CAPN2: variants seen among roughly 807,000 people sequenced by gnomAD.
CAPN2 encodes calpain 2.
A neutral mutation model predicts 102.3 loss-of-function variants in CAPN2; 92 were observed. The ratio of observed to expected loss-of-function variants is 0.90; its 90% CI spans 0.76 to 1.07. The LOEUF is 1.07. CAPN2 is among the 50% of genes least tolerant of loss of function. CAPN2 has a pLI of 0.00. For missense variants in CAPN2, 800 were observed against 909.4 expected (o/e 0.88, Z 1.55); for synonymous variants, 340 against 355.4 (o/e 0.96, Z 0.49).
intron 4 of CAPN2, among the ~76,000 whole-genome samples, chr1:223,746,776 G>A (rs1164871718): frequency 6.6e-6 from 1 of 151,978 alleles, no homozygotes; most frequent in Admixed American, 6.6e-5. Context: ...TACCGCGCCC[G>A]GCCTGAGATT....
intron 2 of CAPN2, among the ~76,000 whole-genome samples, chr1:223,736,865 C>T (rs898057756): frequency 6.6e-6 from 1 of 151,962 alleles, no homozygotes; most frequent in Non-Finnish European, 1.5e-5. Flanking sequence ...GGCAACATAG[C>T]AAGACACCTC....
Position 223,717,806 on chromosome 1 carries a change from C to T in CAPN2, c.282C>T (p.Arg94=), listed in dbSNP as rs1451426986. 2 of 1,614,094 alleles carry T rather than the reference C, an allele frequency of 1.2e-6. No homozygotes were observed. Among genetic ancestry groups the T allele is most frequent in the Non-Finnish European group, 1.7e-6 (2 of 1,179,930 alleles). ...DPQFIIGGAT[R]TDICQGALGD... ...AGTTTATCATTGGAGGAGCCACCCG[C>T]ACAGACATCTGCCAAGGAGCCCTGG... Residue 94 remains arginine (R), a synonymous_variant, in exon 2 of 21, where the codon CGC becomes CGT. Transcript: ENST00000295006.
At chr1:223,711,143 C>T (rs988428436), upstream of CAPN2, among the ~76,000 whole-genome samples, 1 of 152,170 alleles carries the variant, frequency 6.6e-6, no homozygotes, top group Admixed American at 6.5e-5. Context: ...TAGCTGTGAC[C>T]ATAAAAACTA....
In CAPN2 at chr1:223,752,053, A is replaced by G. The variant is rs1359488518; in HGVS notation, c.956A>G (p.His319Arg). The change falls in exon 8 of 21, where the codon CAT (histidine) becomes CGT (arginine). Residue 319 changes from histidine (H) to arginine (R), a missense_variant. Physicochemically the swap from His to Arg is conservative, Grantham distance 29. Coordinates refer to ENST00000295006, the MANE Select transcript of CAPN2 (RefSeq NM_001748.5). Reference protein sequence around the residue: ...PEERERLTRRHEDGEFWMSFS... With the variant: ...PEERERLTRRREDGEFWMSFS... ...GAGAGGGAAAGGCTGACCAGACGGCATGAAGATGGAGAATTCTGGTAAGAT... is the reference window on the plus strand; with the variant it reads ...GAGAGGGAAAGGCTGACCAGACGGCGTGAAGATGGAGAATTCTGGTAAGAT... 15 of 1,612,390 alleles carry G rather than the reference A, an allele frequency of 9.3e-6. No homozygotes were observed. The highest frequency in any genetic ancestry group is 1.3e-5 in the Non-Finnish European group (15 of 1,178,434).
At chr1:223,705,309 G>A (rs1445160400) in intron 1 of CAPN2, among the ~76,000 whole-genome samples, 1 of 152,304 alleles carries the variant, frequency 6.6e-6, no homozygotes, top group East Asian at 1.9e-4. Context: ...AACCACCACT[G>A]AACTGTACAG....
chr1:223,740,406 A>C (rs904858332), intron 2 of CAPN2, among the ~76,000 whole-genome samples: 2 of 152,204 alleles, frequency 1.3e-5, no homozygotes, highest in African/African-American at 4.8e-5. Flanking sequence ...TTATAACCTG[A>C]CGCGTCCACC....
rs751424889 is a variant in CAPN2, at chr1:223,755,671, G to T, written c.1305+22G>T. On this transcript the variant is annotated intron_variant, in intron 10 of 20. Transcript: ENST00000295006. The surrounding 1 kb of genome is among the most constrained non-coding windows in gnomAD (Gnocchi z 4.1). ...TGAGGTGCAGAGCGCAGGGGCTCCTGCCCTCCCTTCCCCATGTGTTCATCT... is the reference window on the plus strand; with the variant it reads ...TGAGGTGCAGAGCGCAGGGGCTCCTTCCCTCCCTTCCCCATGTGTTCATCT... 2.7e-5 allele frequency: 42 copies of T among 1,539,792 alleles called. No individual in the cohort carries two copies. The highest frequency in any genetic ancestry group is 2.2e-5 in the Non-Finnish European group (25 of 1,143,096).
chr1:223,746,923 AG>A, intron 4 of CAPN2, 73 bp from the exon 5 acceptor site: 2 of 1,364,720 alleles, frequency 1.5e-6, no homozygotes, highest in East Asian at 2.3e-5. Context: ...AGACGGTACT[AG>A]GGGGTGGCTG....
At chr1:223,774,242 C>G (rs1398052695) in intron 20 of CAPN2, among the ~76,000 whole-genome samples, 2 of 151,906 alleles carry the variant, frequency 1.3e-5, no homozygotes, top group Admixed American at 6.6e-5. Flanking sequence ...TACCCACTGG[C>G]TTTTCCTGCC....
chr1:223,745,945 G>A (rs1258502549), intron 4 of CAPN2, among the ~76,000 whole-genome samples: 1 of 152,224 alleles, frequency 6.6e-6, no homozygotes, highest in Non-Finnish European at 1.5e-5. Context: ...TGATGTCACT[G>A]ATTAGCAATG....
At chr1:223,772,309 G>A in intron 20 of CAPN2, 70 bp downstream of exon 20, 1 of 1,344,038 alleles carries the variant, frequency 7.4e-7, no homozygotes, top group Non-Finnish European at 1.1e-6. Flanking sequence ...GCTGTTACTT[G>A]AGTGATCTGC....
intron 19 of CAPN2, 87 bp downstream of exon 19, chr1:223,772,012 A>G (rs1385946747): frequency 3.5e-6 from 4 of 1,132,054 alleles, no homozygotes; most frequent in African/African-American, 3.1e-5. Flanking sequence ...CATCTAAACT[A>G]GAGACATGTC....
chr1:223,758,950 C>T (rs932921394), intron 11 of CAPN2: 1 of 363,778 alleles, frequency 2.7e-6, no homozygotes, highest in Non-Finnish European at 5.3e-6. Context: ...CACAGCCTCC[C>T]AAAGTGCTGG....
intron 5 of CAPN2, among the ~76,000 whole-genome samples, chr1:223,748,476 C>G (rs1660803874): frequency 6.6e-6 from 1 of 152,200 alleles, no homozygotes; most frequent in African/African-American, 2.4e-5. Flanking sequence ...GGCTGTGAGG[C>G]GTTCTTAAAA....
rs539087310 is a variant in CAPN2 at position 223,759,127 on chromosome 1, C to T, written c.1318-143C>T. On this transcript the variant is annotated intron_variant, in intron 11 of 20. Coordinates refer to ENST00000295006, the MANE Select transcript of CAPN2 (RefSeq NM_001748.5). The surrounding 1 kb of genome is among the most constrained non-coding windows in gnomAD (Gnocchi z 4.6). ...CTGTGTTGCCCAGGCTGGTTTCTGA[C>T]GCCTGGCCTCGCCTCCTTATACACC... 1.9e-4 allele frequency: 140 copies of T among 744,998 alleles called. No individual in the cohort carries two copies. Among genetic ancestry groups the T allele is most frequent in the Admixed American group, 3.0e-4 (14 of 46,628 alleles). 46.1% of individuals were successfully genotyped at this position (744,998 alleles called of 1,614,324 possible).
chr1:223,762,210 G>T lies in CAPN2; in HGVS notation c.1591G>T (p.Asp531Tyr). 1 of 1,614,034 alleles carries T rather than the reference G, an allele frequency of 6.2e-7. No homozygotes were observed. Among genetic ancestry groups the T allele is most frequent in the South Asian group, 1.1e-5 (1 of 91,056 alleles). ...EEFDISEDDI[D>Y]DGFRRLFAQL... Reference sequence around the variant, plus strand: ...GTTCGACATCAGCGAGGATGACATTGATGATGGATTCAGGAGACTGTTTGC... The same window carrying T: ...GTTCGACATCAGCGAGGATGACATTTATGATGGATTCAGGAGACTGTTTGC... Residue 531 changes from aspartate (D) to tyrosine (Y), a missense_variant, in exon 14 of 21, where the codon GAT (aspartate) becomes TAT (tyrosine). Transcript: ENST00000295006.
At chr1:223,709,387 G>A (rs1348899615), upstream of CAPN2, among the ~76,000 whole-genome samples, 1 of 152,196 alleles carries the variant, frequency 6.6e-6, no homozygotes, top group African/African-American at 2.4e-5. Context: ...TCGGCAGGGT[G>A]CAGTGGCTCA....
chr1:223,772,187 T>C lies in CAPN2; in HGVS notation c.2027T>C (p.Phe676Ser), dbSNP rs778661676. Residue 676 changes from phenylalanine to serine, a missense_variant, in exon 20 of 21, where the codon TTT (phenylalanine) becomes TCT (serine). Transcript: ENST00000295006. ...LVRLETLFKIFKQLDPENTGT... is the reference protein window; with the variant it reads ...LVRLETLFKISKQLDPENTGT... The stretch of plus-strand genomic sequence containing the variant: ...TCTTTTTCTCCCTCCACAGAGATAT[T>C]TAAGCAGCTGGATCCCGAGAATACT... 29 of 1,614,006 alleles carry C rather than the reference T, an allele frequency of 1.8e-5. No individual in the cohort carries two copies. The East Asian group carries it at 5.8e-4, about 32-fold the overall frequency.
chr1:223,736,710 G>A (rs1465262267), intron 2 of CAPN2, among the ~76,000 whole-genome samples: 1 of 152,090 alleles, frequency 6.6e-6, no homozygotes, highest in East Asian at 1.9e-4. Flanking sequence ...GGTATTTGCA[G>A]CCCATCTGAT....
Sources: gnomAD v4.1 joint callset for allele counts (sites outside exome capture counted in the v4.1 genomes callset) on GRCh38, gnomAD v4.1.1 for gene constraint, Gnocchi (gnomAD v3.1) non-coding constraint, MANE v1.5 for transcripts, NCBI Gene and HGNC (gene_info 2026-07-23, HGNC 2026-07-21) for gene names.